Variants in USP34 observed in about 807,000 individuals in gnomAD.
USP34 encodes the protein ubiquitin specific peptidase 34, also known as ubiquitin carboxyl-terminal hydrolase 34.
USP34 carries 70 observed loss-of-function variants against 460.3 expected under a neutral mutation model. The ratio of observed to expected loss-of-function variants is 0.15; its 90% CI spans 0.13 to 0.19. The LOEUF is 0.19. USP34 is among the 10% of genes least tolerant of loss of function. USP34 has a pLI of 1.00. For synonymous variants in USP34, 1,647 were observed against 1,405.3 expected (o/e 1.17, Z -3.85); for missense variants, 3,985 against 4,236.2 (o/e 0.94, Z 1.65).
chr2:61,374,570 C>T (rs1208107235), intron 8 of USP34, among the ~76,000 whole-genome samples: 1 of 151,922 alleles, frequency 6.6e-6, no homozygotes, highest in Non-Finnish European at 1.5e-5. Flanking sequence ...CAGAGATGAC[C>T]AAATCTGCAC....
At chr2:61,281,527 T>C (rs1413180998) in intron 37 of USP34, among the ~76,000 whole-genome samples, 2 of 152,184 alleles carry the variant, frequency 1.3e-5, no homozygotes, top group Admixed American at 6.5e-5. Flanking sequence ...CAAGAATTGC[T>C]TGAACCAGGG....
rs1183613762 is a variant in USP34 at position 61,325,468 on chromosome 2, A to G, written c.2931-11T>C. On this transcript the variant is annotated splice_polypyrimidine_tract_variant and intron_variant, in intron 20 of 79. Coordinates refer to ENST00000398571, the MANE Select transcript of USP34 (RefSeq NM_014709.4). The stretch of plus-strand genomic sequence containing the variant: ...GCACTATGGCTGTACCTATAATTTA[A>G]AAGTCATTAAAATAATTAAATATCC... The G allele has an allele frequency of 2.0e-6, 3 of 1,481,820 alleles. No homozygotes were observed. The highest frequency in any genetic ancestry group is 1.5e-5 in the African/African-American group (1 of 67,972). 91.8% of individuals were successfully genotyped at this position (1,481,820 alleles called of 1,614,324 possible).
chr2:61,417,840 C>G (rs1420169339), intron 2 of USP34, among the ~76,000 whole-genome samples: 1 of 143,904 alleles, frequency 6.9e-6, no homozygotes, highest in Non-Finnish European at 1.5e-5. Flanking sequence ...CTCCCGGGTT[C>G]AAATGATTCT....
intron 72 of USP34, among the ~76,000 whole-genome samples, chr2:61,205,055 G>A (rs1476639728): frequency 6.6e-6 from 1 of 151,974 alleles, no homozygotes; most frequent in East Asian, 1.9e-4. Flanking sequence ...ATGAGGTCTT[G>A]CTATGTTGCC....
chr2:61,396,430 T>C (rs1428515029), intron 3 of USP34, among the ~76,000 whole-genome samples: 1 of 152,040 alleles, frequency 6.6e-6, no homozygotes, highest in Non-Finnish European at 1.5e-5. Flanking sequence ...TAACCCACAA[T>C]TAGAAACAAC....
At chr2:61,194,943 AAC>A (rs1686753617) in intron 75 of USP34, among the ~76,000 whole-genome samples, 1 of 122,148 alleles carries the variant, frequency 8.2e-6, no homozygotes, top group Non-Finnish European at 1.7e-5. Context: ...ACAAGAGTGA[AAC>A]TCTGTCAAAA....
intron 5 of USP34, among the ~76,000 whole-genome samples, chr2:61,391,811 A>G (rs1398402113): frequency 6.6e-6 from 1 of 152,204 alleles, no homozygotes; most frequent in Non-Finnish European, 1.5e-5. Context: ...TAAAATATTA[A>G]CCATATAAAA....
chr2:61,223,038 A>G, intron 64 of USP34, 22 bp downstream of exon 64: 1 of 1,588,578 alleles, frequency 6.3e-7, no homozygotes, highest in Non-Finnish European at 8.6e-7. Flanking sequence ...AAAAATCTTT[A>G]AGACTGTTCC....
intron 10 of USP34, among the ~76,000 whole-genome samples, chr2:61,357,559 G>C (rs1692144239): frequency 6.6e-6 from 1 of 152,098 alleles, no homozygotes; most frequent in Admixed American, 6.5e-5. Context: ...AAAGCTAGTA[G>C]AAGGAAGAAA....
At chr2:61,365,406 T>A (rs1162193451) in intron 10 of USP34, among the ~76,000 whole-genome samples, 1 of 151,694 alleles carries the variant, frequency 6.6e-6, no homozygotes, top group South Asian at 2.1e-4. Flanking sequence ...ATGGGATCAA[T>A]GAACACTTTA....
chr2:61,388,858 CAT>C (rs574806643), intron 5 of USP34, among the ~76,000 whole-genome samples: 44 of 152,146 alleles, frequency 2.9e-4, no homozygotes, highest in South Asian at 4.1e-4. Flanking sequence ...AATGCACACA[CAT>C]GTTCACCAAA....
chr2:61,219,727 A>C (rs1385417579), intron 67 of USP34, among the ~76,000 whole-genome samples: 1 of 152,138 alleles, frequency 6.6e-6, no homozygotes, highest in Non-Finnish European at 1.5e-5. Context: ...TTGCTACTTA[A>C]GTATCAATGA....
At chr2:61,380,775 C>T (rs1244985102) in intron 6 of USP34, among the ~76,000 whole-genome samples, 1 of 152,204 alleles carries the variant, frequency 6.6e-6, no homozygotes, top group African/African-American at 2.4e-5. Flanking sequence ...AGCTTGCCTT[C>T]TCTTGCTGGG....
intron 75 of USP34, among the ~76,000 whole-genome samples, chr2:61,202,887 T>G (rs1290234606): frequency 6.6e-6 from 1 of 152,114 alleles, no homozygotes; most frequent in Admixed American, 6.6e-5. Context: ...TGGGCTTCTA[T>G]GTACAGAAGT....
chr2:61,375,893 A>G (rs2103851605), intron 8 of USP34, among the ~76,000 whole-genome samples: 1 of 152,274 alleles, frequency 6.6e-6, no homozygotes, highest in East Asian at 1.9e-4. Flanking sequence ...TAAAGTACAG[A>G]GACAAACTAC....
At chr2:61,355,739 T>C (rs533054789) in intron 10 of USP34, among the ~76,000 whole-genome samples, 16 of 151,836 alleles carry the variant, frequency 1.1e-4, no homozygotes, top group Non-Finnish European at 2.2e-4. Context: ...AAAGGCAAAA[T>C]AACACAAGTT....
chr2:61,273,410 G>T (rs1333345667), intron 41 of USP34, among the ~76,000 whole-genome samples: 4 of 152,244 alleles, frequency 2.6e-5, no homozygotes, highest in South Asian at 2.1e-4. Context: ...ATACTGAAAA[G>T]AAATAATAAT....
At chr2:61,426,100 A>C (rs1263290942) in intron 1 of USP34, among the ~76,000 whole-genome samples, 1 of 152,118 alleles carries the variant, frequency 6.6e-6, no homozygotes, top group Non-Finnish European at 1.5e-5. Context: ...AGCGATATCC[A>C]AGTACTACAT....
At chr2:61,234,455 G>A (rs1412228162) in intron 57 of USP34, among the ~76,000 whole-genome samples, 1 of 152,130 alleles carries the variant, frequency 6.6e-6, no homozygotes, top group African/African-American at 2.4e-5. Flanking sequence ...AGAAAACCAG[G>A]CATAAACTGA....
Sources: allele counts gnomAD v4.1 joint callset (sites outside exome capture counted in the v4.1 genomes callset), GRCh38; gene constraint gnomAD v4.1.1; transcripts MANE v1.5; gene names NCBI Gene and HGNC (gene_info 2026-07-23, HGNC 2026-07-21).